The following NGF variants were observed in gnomAD, a reference collection of about 807,000 sequenced individuals.
NGF encodes beta-nerve growth factor.
NGF carries 4 observed loss-of-function variants against 12.8 expected under a neutral mutation model. The ratio of observed to expected loss-of-function variants is 0.31; its 90% confidence interval spans 0.15 to 0.72. The LOEUF is 0.72. Ranked by LOEUF, NGF falls within the 30% of genes least tolerant of loss-of-function variation. The pLI is 0.69. For synonymous variants in NGF, 140 were observed against 130.0 expected (o/e 1.08, Z -0.52); for missense variants, 283 against 330.8 (o/e 0.86, Z 1.12).
intron 1 of NGF, among the ~76,000 whole-genome samples, chr1:115,333,701 CTTTCTTTCTTTCTTTT>C (rs1557949265): frequency 1.1e-5 from 1 of 89,154 alleles, no homozygotes; most frequent in Non-Finnish European, 2.1e-5. Context: ...TTCTTTCTTT[CTTTCTTTCTTTCTTTT>C]CTTTCTTTCC....
At chr1:115,314,002 T>C (rs565520054) in intron 1 of NGF, among the ~76,000 whole-genome samples, 28 of 152,324 alleles carry the variant, frequency 1.8e-4, no homozygotes, top group African/African-American at 6.3e-4. Flanking sequence ...GCACAGCCTA[T>C]ACCAGGACTT....
At chr1:115,327,467 C>A (rs1280251108) in intron 1 of NGF, among the ~76,000 whole-genome samples, 1 of 152,156 alleles carries the variant, frequency 6.6e-6, no homozygotes, top group Non-Finnish European at 1.5e-5. Context: ...GGAGTCTGAC[C>A]TCTTCAAAAC....
chr1:115,304,177 AT>A (rs201709678), intron 1 of NGF, among the ~76,000 whole-genome samples: 7 of 150,192 alleles, frequency 4.7e-5, no homozygotes, highest in Middle Eastern at 3.4e-3. Context: ...ACACACAAGT[AT>A]TTTTTTTTCG....
chr1:115,316,257 CA>C (rs1021352567), intron 1 of NGF, among the ~76,000 whole-genome samples: 1 of 152,132 alleles, frequency 6.6e-6, no homozygotes, highest in Non-Finnish European at 1.5e-5. Context: ...AAACTCCTGC[CA>C]CACCAAATTA....
chr1:115,330,803 C>T (rs1303984486), intron 1 of NGF, among the ~76,000 whole-genome samples: 2 of 152,124 alleles, frequency 1.3e-5, no homozygotes, highest in East Asian at 1.9e-4. Context: ...TCCAGATTTA[C>T]GAATTTTTTT....
At chr1:115,329,900 G>A (rs943511038) in intron 1 of NGF, among the ~76,000 whole-genome samples, 1 of 151,820 alleles carries the variant, frequency 6.6e-6, no homozygotes, top group African/African-American at 2.4e-5. Flanking sequence ...ACAGGTGTAT[G>A]TCACCATGCC....
chr1:115,333,559 G>C (rs1377415810), intron 1 of NGF, among the ~76,000 whole-genome samples: 1 of 148,890 alleles, frequency 6.7e-6, no homozygotes, highest in Non-Finnish European at 1.5e-5. Context: ...TACAGTCTTA[G>C]GCAATTCAAA....
At chr1:115,329,240 A>C (rs1654848049) in intron 1 of NGF, among the ~76,000 whole-genome samples, 1 of 152,186 alleles carries the variant, frequency 6.6e-6, no homozygotes, top group Admixed American at 6.5e-5. Context: ...AGAACTTCAT[A>C]GTATGTACTT....
intron 1 of NGF, among the ~76,000 whole-genome samples, chr1:115,296,500 G>A (rs1653874007): frequency 1.3e-5 from 2 of 152,166 alleles, no homozygotes; most frequent in Admixed American, 6.5e-5. Flanking sequence ...CATTCTTCGG[G>A]TGTCTACTAT....
intron 2 of NGF, among the ~76,000 whole-genome samples, chr1:115,290,829 C>T (rs1653673017): frequency 6.6e-6 from 1 of 152,190 alleles, no homozygotes; most frequent in Non-Finnish European, 1.5e-5. Flanking sequence ...TGACCTAGAA[C>T]TCCTAGGTAA....
intron 1 of NGF, among the ~76,000 whole-genome samples, chr1:115,337,830 C>T (rs919710269): frequency 6.6e-6 from 1 of 152,138 alleles, no homozygotes; most frequent in Non-Finnish European, 1.5e-5. Flanking sequence ...CGGCGCATCC[C>T]TCTCCGCGCC....
At chr1:115,336,816 G>T (rs937228936) in intron 1 of NGF, among the ~76,000 whole-genome samples, 1 of 152,242 alleles carries the variant, frequency 6.6e-6, no homozygotes, top group Non-Finnish European at 1.5e-5. Context: ...AGAAGTTACT[G>T]ATGGGGTCTC....
At chr1:115,306,991 C>G (rs554576136) in intron 1 of NGF, among the ~76,000 whole-genome samples, 1 of 152,196 alleles carries the variant, frequency 6.6e-6, no homozygotes, top group Non-Finnish European at 1.5e-5. Context: ...TGCTGATTCC[C>G]GTTAGGAGCC....
chr1:115,296,366 G>A (rs1377512450), intron 1 of NGF, among the ~76,000 whole-genome samples: 1 of 152,210 alleles, frequency 6.6e-6, no homozygotes, highest in Non-Finnish European at 1.5e-5. Context: ...AGAAGTAATA[G>A]TGACTTTCTC....
At chr1:115,313,730 T>C (rs1654398518) in intron 1 of NGF, among the ~76,000 whole-genome samples, 1 of 152,244 alleles carries the variant, frequency 6.6e-6, no homozygotes, top group Non-Finnish European at 1.5e-5. Context: ...AGTAACATTC[T>C]ATTGCCATGA....
chr1:115,308,172 G>A (rs1244536225), intron 1 of NGF, among the ~76,000 whole-genome samples: 1 of 152,188 alleles, frequency 6.6e-6, no homozygotes, highest in Non-Finnish European at 1.5e-5. Flanking sequence ...CATAAATCTG[G>A]GATGCAGGCT....
chr1:115,316,303 T>C (rs1447120588), intron 1 of NGF, among the ~76,000 whole-genome samples: 1 of 152,126 alleles, frequency 6.6e-6, no homozygotes, highest in Non-Finnish European at 1.5e-5. Context: ...TGGGAAGAGA[T>C]CTAAGAGCCA....
At chr1:115,324,286 G>A (rs17033680) in intron 1 of NGF, among the ~76,000 whole-genome samples, 3,810 of 152,186 alleles carry the variant, frequency 0.025, 161 homozygotes, top group African/African-American at 0.087. Flanking sequence ...ATGTGGTACC[G>A]GCTCTATATG....
intron 1 of NGF, among the ~76,000 whole-genome samples, chr1:115,301,306 C>A (rs4076194): frequency 0.25 from 38,266 of 152,034 alleles, 5,677 homozygotes; most frequent in African/African-American, 0.42. Context: ...ACTTCTCAAT[C>A]TTTAGCAAGA....
Sources: allele counts gnomAD v4.1 joint callset (sites outside exome capture counted in the v4.1 genomes callset), GRCh38; gene constraint gnomAD v4.1.1; transcripts MANE v1.5; gene names NCBI Gene and HGNC (gene_info 2026-07-23, HGNC 2026-07-21).